TAFA5: variants seen among roughly 807,000 people sequenced by gnomAD.
TAFA5 encodes the protein TAFA chemokine like family member 5.
A neutral mutation model predicts 15.3 loss-of-function variants in TAFA5; 6 were observed. The ratio of observed to expected loss-of-function variants is 0.39; its 90% confidence interval spans 0.21 to 0.77. The LOEUF is 0.77. TAFA5 is among the 30% of genes least tolerant of loss of function. The pLI, the probability that TAFA5 is intolerant of heterozygous loss-of-function variation, is 0.41. For synonymous variants in TAFA5, 103 were observed against 80.7 expected, an observed-to-expected ratio of 1.28 and a Z score of -1.48; for missense variants, 161 against 193.1, an observed-to-expected ratio of 0.83 and a Z score of 0.98.
chr22:48,624,224 G>A (rs1474568923), intron 1 of TAFA5, among the ~76,000 whole-genome samples: 1 of 152,182 alleles, frequency 6.6e-6, no homozygotes, highest in Non-Finnish European at 1.5e-5. Flanking sequence ...TTGGGAAGAA[G>A]ATGCCAAAGT....
At chr22:48,747,016 C>A (rs1569103932) in intron 3 of TAFA5, among the ~76,000 whole-genome samples, 1 of 152,194 alleles carries the variant, frequency 6.6e-6, no homozygotes, top group African/African-American at 2.4e-5. Context: ...CCCTGGAGCC[C>A]AGGAAGGAGT....
At chr22:48,498,378 A>G (rs1920936900) in intron 1 of TAFA5, among the ~76,000 whole-genome samples, 1 of 152,034 alleles carries the variant, frequency 6.6e-6, no homozygotes, top group Non-Finnish European at 1.5e-5. Context: ...CCTCTTGCAA[A>G]CTAAGTCTCC....
At chr22:48,537,243 C>T in intron 1 of TAFA5, among the ~76,000 whole-genome samples, 1 of 152,102 alleles carries the variant, frequency 6.6e-6, no homozygotes, top group East Asian at 1.9e-4. Context: ...CCGGTGCTGC[C>T]ACCACATGGC....
chr22:48,669,729 T>C (rs1274742810), intron 2 of TAFA5, among the ~76,000 whole-genome samples: 2 of 152,230 alleles, frequency 1.3e-5, no homozygotes, highest in African/African-American at 4.8e-5. Context: ...GGAGCCCCTG[T>C]GTCAGGTAAG....
intron 2 of TAFA5, among the ~76,000 whole-genome samples, chr22:48,674,926 G>A (rs933272466): frequency 1.3e-5 from 2 of 150,266 alleles, no homozygotes; most frequent in Non-Finnish European, 2.9e-5. Context: ...GAGGCCAAAC[G>A]ATTTGCTGTC....
chr22:48,749,801 T>C, intron 3 of TAFA5, 38 bp from the exon 4 acceptor site: 1 of 1,559,006 alleles, frequency 6.4e-7, no homozygotes, highest in Non-Finnish European at 8.7e-7. Context: ...GGGCAGCGTC[T>C]GCAGGAGGCT....
At chr22:48,554,365 T>G (rs977761900) in intron 1 of TAFA5, among the ~76,000 whole-genome samples, 4 of 152,242 alleles carry the variant, frequency 2.6e-5, no homozygotes, top group Non-Finnish European at 4.4e-5. Flanking sequence ...TGTAAGGGTT[T>G]TTTAAAAATC....
chr22:48,608,647 C>T (rs761131388), intron 1 of TAFA5, among the ~76,000 whole-genome samples: 8 of 152,170 alleles, frequency 5.3e-5, no homozygotes, highest in East Asian at 1.9e-4. Context: ...ATCCTCTTGG[C>T]GCCAATCCTG....
intron 3 of TAFA5, among the ~76,000 whole-genome samples, chr22:48,719,369 G>C (rs13057842): frequency 6.6e-6 from 1 of 152,144 alleles, no homozygotes; most frequent in South Asian, 2.1e-4. Context: ...AGTCCGTCTG[G>C]AGTGTGATCA....
chr22:48,675,914 C>T (rs947031717), intron 2 of TAFA5, among the ~76,000 whole-genome samples: 14 of 152,386 alleles, frequency 9.2e-5, no homozygotes, highest in African/African-American at 2.4e-4. Flanking sequence ...CGCACCCTGA[C>T]GCCCAGGCAC....
chr22:48,706,060 A>C (rs1208641271), intron 2 of TAFA5, among the ~76,000 whole-genome samples: 1 of 152,182 alleles, frequency 6.6e-6, no homozygotes, highest in Admixed American at 6.5e-5. Context: ...GCTGGGGGCC[A>C]TGGGGGCCAC....
At chr22:48,609,267 C>T (rs28707397) in intron 1 of TAFA5, among the ~76,000 whole-genome samples, 19,321 of 152,042 alleles carry the variant, frequency 0.13, 1,327 homozygotes, top group African/African-American at 0.16. Context: ...AAATCAAAGA[C>T]ACGTTGGGGC....
rs571382232 is a variant in TAFA5, at chr22:48,577,658, C to T, written c.113-68939C>T. Among the ~76,000 whole-genome samples the T allele has an allele frequency of 3.9e-5, 6 of 152,342 alleles. No individual in the cohort carries two copies. The East Asian group carries it at 1.2e-3, about 29-fold the overall frequency. ...GACTAATTAATGAGCCGCCGGAGGCCTGGGGAAGCAGGTAGGTGCAGGAGC... is the reference window on the plus strand; with the variant it reads ...GACTAATTAATGAGCCGCCGGAGGCTTGGGGAAGCAGGTAGGTGCAGGAGC... On this transcript the variant is annotated intron_variant, in intron 1 of 3. Transcript: ENST00000402357.
chr22:48,621,207 G>A (rs546077228), intron 1 of TAFA5, among the ~76,000 whole-genome samples: 1 of 72,484 alleles, frequency 1.4e-5, no homozygotes, highest in African/African-American at 6.2e-5. Context: ...TATCCACCCA[G>A]CCATCCACCC....
At chr22:48,499,727 C>G (rs532231280) in intron 1 of TAFA5, among the ~76,000 whole-genome samples, 1 of 152,226 alleles carries the variant, frequency 6.6e-6, no homozygotes, top group African/African-American at 2.4e-5. Context: ...TCTGCCACCC[C>G]CAACCTTTGT....
intron 1 of TAFA5, chr22:48,546,743 C>T (rs1396446112): frequency 5.3e-6 from 2 of 379,706 alleles, no homozygotes; most frequent in East Asian, 7.4e-5. Context: ...AAATGCCCCT[C>T]TGCAGTTCTG....
At chr22:48,506,016 G>T (rs1022346227) in intron 1 of TAFA5, among the ~76,000 whole-genome samples, 1 of 152,156 alleles carries the variant, frequency 6.6e-6, no homozygotes, top group Non-Finnish European at 1.5e-5. Context: ...CCTAGGGCCA[G>T]CCCTGAAGAT....
At chr22:48,643,466 A>G (rs1386920422) in intron 1 of TAFA5, among the ~76,000 whole-genome samples, 1 of 151,806 alleles carries the variant, frequency 6.6e-6, no homozygotes. Context: ...GTGACCTGGG[A>G]TTGGAGACCC....
At chr22:48,628,349 G>A (rs2147187217) in intron 1 of TAFA5, among the ~76,000 whole-genome samples, 1 of 152,318 alleles carries the variant, frequency 6.6e-6, no homozygotes, top group Admixed American at 6.5e-5. Flanking sequence ...AGCCCCTCCT[G>A]CTTCCTGGTC....
Sources: gnomAD v4.1 joint callset for allele counts (sites outside exome capture counted in the v4.1 genomes callset) on GRCh38, gnomAD v4.1.1 for gene constraint, MANE v1.5 for transcripts, NCBI Gene and HGNC (gene_info 2026-07-23, HGNC 2026-07-21) for gene names.